Variants in KLHL1 observed in about 807,000 individuals in gnomAD.
The protein encoded by KLHL1 is kelch like family member 1, also known as kelch-like protein 1.
In KLHL1, 47 loss-of-function variants were observed where a neutral mutation model predicts 77.7. That is an observed-to-expected ratio of 0.60 (90% CI 0.48 to 0.77). The LOEUF (loss-of-function observed/expected upper bound fraction) is 0.77. KLHL1 is among the 30% of genes least tolerant of loss of function. KLHL1 has a pLI of 0.00. For missense variants in KLHL1, 925 were observed against 910.8 expected (o/e 1.02, Z -0.20); for synonymous variants, 360 against 325.2 (o/e 1.11, Z -1.15).
intron 4 of KLHL1, among the ~76,000 whole-genome samples, chr13:69,890,600 C>G (rs967250020): frequency 6.6e-6 from 1 of 151,642 alleles, no homozygotes; most frequent in Non-Finnish European, 1.5e-5. Flanking sequence ...CTGTTTATCA[C>G]CTTTGTAAAT....
chr13:69,860,709 A>G (rs1233903620), intron 5 of KLHL1, among the ~76,000 whole-genome samples: 2 of 151,666 alleles, frequency 1.3e-5, no homozygotes, highest in Admixed American at 6.6e-5. Flanking sequence ...ATCATGTATC[A>G]TTGTTTAAAA....
At chr13:69,936,192 A>G (rs1883183874) in intron 4 of KLHL1, among the ~76,000 whole-genome samples, 1 of 152,170 alleles carries the variant, frequency 6.6e-6, no homozygotes. Flanking sequence ...GAGTGAAGGA[A>G]CCATACAACA....
chr13:70,083,220 A>C (rs1887437508), intron 1 of KLHL1, among the ~76,000 whole-genome samples: 1 of 152,202 alleles, frequency 6.6e-6, no homozygotes, highest in African/African-American at 2.4e-5. Context: ...ATTAATCAAA[A>C]TTACAAATTG....
chr13:70,023,369 A>C (rs1166568690), intron 1 of KLHL1, among the ~76,000 whole-genome samples: 1 of 151,942 alleles, frequency 6.6e-6, no homozygotes, highest in South Asian at 2.1e-4. Context: ...TGTTGACACC[A>C]TCATAACACT....
chr13:70,036,835 C>CTTTTTTT (rs5804467), intron 1 of KLHL1, among the ~76,000 whole-genome samples: 21 of 50,678 alleles, frequency 4.1e-4, no homozygotes, highest in Admixed American at 1.1e-3. Flanking sequence ...ATGCCATGGT[C>CTTTTTTT]TTTTTTTTTT....
intron 7 of KLHL1, among the ~76,000 whole-genome samples, chr13:69,751,578 C>T (rs185754747): frequency 5.3e-5 from 8 of 151,940 alleles, no homozygotes; most frequent in East Asian, 1.9e-4. Context: ...GAAAGAAGGC[C>T]GATGTGGCAA....
chr13:70,105,830 ATAAACT>A (rs1888041459), intron 1 of KLHL1, among the ~76,000 whole-genome samples: 1 of 151,046 alleles, frequency 6.6e-6, no homozygotes, highest in Non-Finnish European at 1.5e-5. Flanking sequence ...GGAATGATAG[ATAAACT>A]TATATTTAGG....
At chr13:69,707,908 T>C (rs1056972539) in intron 9 of KLHL1, 112 bp from the exon 10 acceptor site, 17 of 772,474 alleles carry the variant, frequency 2.2e-5, no homozygotes, top group Middle Eastern at 3.6e-4. Context: ...CCTTTTTTTT[T>C]CTCTAAAGGC....
chr13:70,043,444 A>T (rs1055361953), intron 1 of KLHL1, among the ~76,000 whole-genome samples: 1 of 152,160 alleles, frequency 6.6e-6, no homozygotes, highest in African/African-American at 2.4e-5. Flanking sequence ...TAGCCAAAAC[A>T]TACAGCGTTT....
intron 1 of KLHL1, among the ~76,000 whole-genome samples, chr13:70,088,660 G>A (rs1185184806): frequency 6.7e-6 from 1 of 150,026 alleles, no homozygotes; most frequent in Non-Finnish European, 1.5e-5. Flanking sequence ...TCCAGCCTGG[G>A]GTAACAGAGC....
chr13:70,060,795 G>A (rs1258659202), intron 1 of KLHL1, among the ~76,000 whole-genome samples: 1 of 151,634 alleles, frequency 6.6e-6, no homozygotes, highest in Non-Finnish European at 1.5e-5. Context: ...GCAGTGAGCC[G>A]AGATGGCACC....
At chr13:69,978,600 C>T (rs1015921317) in intron 1 of KLHL1, among the ~76,000 whole-genome samples, 5 of 151,770 alleles carry the variant, frequency 3.3e-5, no homozygotes, top group African/African-American at 1.2e-4. Context: ...GATTCTCCTG[C>T]CTCAGCCTCC....
intron 6 of KLHL1, among the ~76,000 whole-genome samples, chr13:69,822,501 G>A (rs1028920851): frequency 4.6e-5 from 7 of 152,132 alleles, no homozygotes; most frequent in Admixed American, 1.3e-4. Flanking sequence ...TGTATGATAC[G>A]ATTATAATTA....
intron 9 of KLHL1, 34 bp downstream of exon 9, chr13:69,719,335 C>T (rs1437045361): frequency 2.5e-6 from 4 of 1,577,450 alleles, no homozygotes; most frequent in Non-Finnish European, 2.6e-6. Flanking sequence ...TTTGCACTGT[C>T]TCTTTCGCTG....
At chr13:69,905,946 A>T (rs1882033530) in intron 4 of KLHL1, among the ~76,000 whole-genome samples, 1 of 152,100 alleles carries the variant, frequency 6.6e-6, no homozygotes, top group African/African-American at 2.4e-5. Context: ...TTATCACAGC[A>T]ACCCAGGAGA....
chr13:70,049,261 G>A (rs970908851), intron 1 of KLHL1, among the ~76,000 whole-genome samples: 2 of 151,992 alleles, frequency 1.3e-5, no homozygotes, highest in African/African-American at 4.8e-5. Flanking sequence ...ATTCTTTTAT[G>A]TAAACCAAAC....
intron 1 of KLHL1, among the ~76,000 whole-genome samples, chr13:70,101,465 GT>G (rs1349043320): frequency 6.6e-6 from 1 of 151,884 alleles, no homozygotes; most frequent in Non-Finnish European, 1.5e-5. Flanking sequence ...TCTCGCTCTT[GT>G]CCCCCAGGCT....
intron 7 of KLHL1, among the ~76,000 whole-genome samples, chr13:69,764,535 T>A (rs1394668241): frequency 1.3e-5 from 2 of 151,890 alleles, no homozygotes; most frequent in African/African-American, 4.8e-5. Flanking sequence ...ACATTTCTAC[T>A]AAAAAATGGC....
In KLHL1 at chr13:69,975,815, C is replaced by T. The variant is rs772862359; in HGVS notation, c.498-13G>A. The T allele has an allele frequency of 5.3e-6, 8 of 1,512,422 alleles. No individual in the cohort carries two copies. Among genetic ancestry groups the T allele is most frequent in the Middle Eastern group, 2.1e-4 (1 of 4,876 alleles). The allele number at this position is 1,512,422 out of a possible 1,614,324, so 93.7% of individuals were successfully genotyped here. A position where few individuals can be genotyped will look rare whatever the true frequency, so the allele number is the denominator to read the frequency against. On this transcript the variant is annotated splice_polypyrimidine_tract_variant and intron_variant, in intron 1 of 10. Transcript: ENST00000377844. Reference sequence around the variant, plus strand: ...GGTTGATGACAGCCTATAAACCACACACACACACACACACACACAAAATAA... The same window carrying T: ...GGTTGATGACAGCCTATAAACCACATACACACACACACACACACAAAATAA...
Sources: gnomAD v4.1 joint callset for allele counts (sites outside exome capture counted in the v4.1 genomes callset) on GRCh38, gnomAD v4.1.1 for gene constraint, MANE v1.5 for transcripts, NCBI Gene and HGNC (gene_info 2026-07-23, HGNC 2026-07-21) for gene names.